GALNT1: variants seen among roughly 807,000 people sequenced by gnomAD.
The protein encoded by GALNT1 is GalNAc transferase 1.
Under a neutral mutation model 65.7 loss-of-function variants are expected in GALNT1, and 17 were observed. The ratio of observed to expected loss-of-function variants is 0.26; its 90% CI spans 0.18 to 0.39. The LOEUF (loss-of-function observed/expected upper bound fraction) is 0.39, where lower values mean the gene tolerates loss of function less well. GALNT1 is among the 10% of genes least tolerant of loss of function. GALNT1 has a pLI of 1.00. For missense variants in GALNT1, 460 were observed against 672.8 expected (o/e 0.68, Z 3.50); for synonymous variants, 210 against 219.7 (o/e 0.96, Z 0.39).
intron 1 of GALNT1, among the ~76,000 whole-genome samples, chr18:35,627,743 AGCACACCGAG>A (rs1448844190): frequency 6.7e-6 from 1 of 148,332 alleles, no homozygotes; most frequent in Non-Finnish European, 1.5e-5. Context: ...CAGTGGGTGT[AGCACACCGAG>A]CTGAAGCAGG....
chr18:35,665,858 G>A (rs571360051), intron 3 of GALNT1, among the ~76,000 whole-genome samples: 28 of 152,254 alleles, frequency 1.8e-4, no homozygotes, highest in Admixed American at 2.6e-4. Flanking sequence ...GAGATAGGAC[G>A]CTACCATTTA....
chr18:35,669,296 C>T (rs1432335135), intron 3 of GALNT1, among the ~76,000 whole-genome samples: 3 of 152,278 alleles, frequency 2.0e-5, no homozygotes, highest in Admixed American at 2.0e-4. Flanking sequence ...TAAACACAGA[C>T]TTCCAGGCAT....
intron 6 of GALNT1, among the ~76,000 whole-genome samples, chr18:35,687,831 A>G (rs2047892098): frequency 6.6e-6 from 1 of 152,028 alleles, no homozygotes; most frequent in African/African-American, 2.4e-5. Context: ...ATTTAGCCCC[A>G]TTGTACCGAC....
At chr18:35,595,329 G>GA (rs2046492114) in intron 1 of GALNT1, among the ~76,000 whole-genome samples, 1 of 152,162 alleles carries the variant, frequency 6.6e-6, no homozygotes, top group Non-Finnish European at 1.5e-5. Context: ...GACCTGATTT[G>GA]TTCTGATTTA....
chr18:35,704,146 AT>A (rs1435087900), intron 11 of GALNT1, among the ~76,000 whole-genome samples: 2 of 152,312 alleles, frequency 1.3e-5, no homozygotes, highest in South Asian at 2.1e-4. Flanking sequence ...TATTAGTTCA[AT>A]TAAAGCATCC....
At chr18:35,703,464 A>C (rs1466320884) in intron 10 of GALNT1, 45 bp from the exon 11 acceptor site, 1 of 1,575,604 alleles carries the variant, frequency 6.3e-7, no homozygotes, top group South Asian at 1.1e-5. Flanking sequence ...TAAAATGCTG[A>C]CTAATTTATT....
chr18:35,662,903 A>C (rs1314332165), intron 2 of GALNT1, among the ~76,000 whole-genome samples: 2 of 152,206 alleles, frequency 1.3e-5, no homozygotes, highest in African/African-American at 4.8e-5. Context: ...AAGAGATAAC[A>C]TTACTTTTGA....
At chr18:35,633,084 A>T (rs2047038518) in intron 1 of GALNT1, among the ~76,000 whole-genome samples, 1 of 152,208 alleles carries the variant, frequency 6.6e-6, no homozygotes, top group African/African-American at 2.4e-5. Context: ...GAACACTTTT[A>T]CACTGCTGGT....
chr18:35,655,183 C>T lies in GALNT1; in HGVS notation c.139+382C>T, dbSNP rs185452443. On this transcript the variant is annotated intron_variant, in intron 2 of 11. Transcript: ENST00000269195. Reference sequence around the variant, plus strand: ...TATAAGGTATCAAAAGAGATTACTCCTCCCCTCCCATCTCATTCCTAAGGG... The same window carrying T: ...TATAAGGTATCAAAAGAGATTACTCTTCCCCTCCCATCTCATTCCTAAGGG... Among the ~76,000 whole-genome samples, 363 of 152,140 alleles carry T rather than the reference C, an allele frequency of 2.4e-3. 2 individuals are homozygous for T. Among genetic ancestry groups the T allele is most frequent in the African/African-American group, 8.2e-3 (339 of 41,518 alleles).
chr18:35,688,568 G>A (rs545715758), intron 6 of GALNT1, among the ~76,000 whole-genome samples: 58 of 152,018 alleles, frequency 3.8e-4, no homozygotes, highest in African/African-American at 1.4e-3. Flanking sequence ...CTCCTCTTTT[G>A]CAGAAAATAT....
At chr18:35,693,589 T>A (rs496841) in intron 9 of GALNT1, among the ~76,000 whole-genome samples, 93,678 of 151,962 alleles carry the variant, frequency 0.62, 29,483 homozygotes, top group Middle Eastern at 0.71. Context: ...GGATTATGTC[T>A]GGTTTCTATC....
intron 1 of GALNT1, among the ~76,000 whole-genome samples, chr18:35,634,391 C>T (rs2047062305): frequency 6.6e-6 from 1 of 151,802 alleles, no homozygotes; most frequent in African/African-American, 2.4e-5. Flanking sequence ...GTTCCCAAGA[C>T]CCACCCGTAG....
At chr18:35,686,385 A>T (rs763223190) in intron 5 of GALNT1, among the ~76,000 whole-genome samples, 9 of 152,214 alleles carry the variant, frequency 5.9e-5, no homozygotes, top group Non-Finnish European at 1.3e-4. Flanking sequence ...TAAAAAGAAA[A>T]AAAATAGTTG....
chr18:35,657,228 T>A (rs1333891306), intron 2 of GALNT1, among the ~76,000 whole-genome samples: 1 of 152,160 alleles, frequency 6.6e-6, no homozygotes, highest in East Asian at 1.9e-4. Context: ...CTTGAGTACC[T>A]GCAGTTACAG....
At chr18:35,637,027 C>T (rs890779893) in intron 1 of GALNT1, among the ~76,000 whole-genome samples, 40 of 152,046 alleles carry the variant, frequency 2.6e-4, no homozygotes, top group African/African-American at 8.2e-4. Flanking sequence ...TGTGCCCATA[C>T]AAGACGGCAA....
At chr18:35,676,875 T>TA (rs2047718699) in intron 3 of GALNT1, among the ~76,000 whole-genome samples, 1 of 152,240 alleles carries the variant, frequency 6.6e-6, no homozygotes, top group Non-Finnish European at 1.5e-5. Flanking sequence ...GCTGGAAACA[T>TA]ACAATTATTA....
At chr18:35,661,136 A>G (rs1285618593) in intron 2 of GALNT1, among the ~76,000 whole-genome samples, 2 of 152,266 alleles carry the variant, frequency 1.3e-5, no homozygotes, top group East Asian at 3.9e-4. Flanking sequence ...TATAGTAATA[A>G]TTTCTCCAGT....
chr18:35,590,082 A>T (rs1169700401), intron 1 of GALNT1, among the ~76,000 whole-genome samples: 3 of 152,176 alleles, frequency 2.0e-5, no homozygotes, highest in Non-Finnish European at 4.4e-5. Flanking sequence ...TTAGCCATTC[A>T]GTTGAACTTC....
At chr18:35,690,578 C>T (rs2047945167) in intron 7 of GALNT1, among the ~76,000 whole-genome samples, 1 of 152,140 alleles carries the variant, frequency 6.6e-6, no homozygotes, top group Admixed American at 6.5e-5. Context: ...AAATACTGCT[C>T]TAGATCCCAT....
Sources: gnomAD v4.1 joint callset for allele counts (sites outside exome capture counted in the v4.1 genomes callset) on GRCh38, gnomAD v4.1.1 for gene constraint, MANE v1.5 for transcripts, NCBI Gene and HGNC (gene_info 2026-07-23, HGNC 2026-07-21) for gene names.